The following NUP160 variants were observed in gnomAD, a reference collection of about 807,000 sequenced individuals.
NUP160 encodes the protein nuclear pore complex protein Nup160.
A neutral mutation model predicts 196.9 loss-of-function variants in NUP160; 94 were observed. The observed-to-expected ratio is 0.48, with a 90% CI of 0.40 to 0.57. The LOEUF (loss-of-function observed/expected upper bound fraction) is 0.57, where lower values mean the gene tolerates loss of function less well. Among genes scored for constraint, NUP160 ranks in the 20% least tolerant of loss-of-function variants. The probability of loss-of-function intolerance (pLI) is 0.00; values close to 1 mark genes in which losing one functional copy is unlikely to be tolerated. For synonymous variants in NUP160, 605 were observed against 619.7 expected (o/e 0.98, Z 0.35); for missense variants, 1,638 against 1,748.3 (o/e 0.94, Z 1.13).
chr11:47,814,936 T>C (rs932501014), intron 13 of NUP160, among the ~76,000 whole-genome samples: 1 of 152,056 alleles, frequency 6.6e-6, no homozygotes, highest in South Asian at 2.1e-4. Context: ...TACTTCAATA[T>C]AAAAAGTAAA....
chr11:47,813,266 A>AG, intron 14 of NUP160, 50 bp downstream of exon 14: 1 of 1,331,824 alleles, frequency 7.5e-7, no homozygotes, highest in Non-Finnish European at 1.1e-6. Flanking sequence ...AACGAAGCAT[A>AG]GGGTTTATAT....
intron 7 of NUP160, among the ~76,000 whole-genome samples, chr11:47,829,237 T>G (rs1329886382): frequency 6.6e-6 from 1 of 152,216 alleles, no homozygotes; most frequent in Non-Finnish European, 1.5e-5. Flanking sequence ...AGTTACATAC[T>G]ATATAATGAT....
exon 30 of NUP160, chr11:47,788,605 C>T (rs1393273689): frequency 1.2e-6 from 2 of 1,610,778 alleles, no homozygotes; most frequent in Non-Finnish European, 1.7e-6. Flanking sequence ...TTCAATTTGT[C>T]GATTTGCTAT....
chr11:47,831,270 T>C (rs543747421), intron 7 of NUP160, among the ~76,000 whole-genome samples: 2 of 152,302 alleles, frequency 1.3e-5, no homozygotes, highest in Admixed American at 6.5e-5. Flanking sequence ...CTTGGCATCA[T>C]TAGTTATCAG....
intron 27 of NUP160, 67 bp from the exon 28 acceptor site, chr11:47,793,013 G>GCAAGAC: frequency 1.4e-6 from 2 of 1,394,738 alleles, no homozygotes; most frequent in Non-Finnish European, 2.0e-6. Context: ...TGGAGACAGA[G>GCAAGAC]TCTTGCTCTG....
At chr11:47,817,770 T>C (rs1419853658) in intron 11 of NUP160, among the ~76,000 whole-genome samples, 1 of 152,186 alleles carries the variant, frequency 6.6e-6, no homozygotes, top group Non-Finnish European at 1.5e-5. Context: ...TTCTATACAG[T>C]GCAGTATGGT....
intron 6 of NUP160, 61 bp from the exon 7 acceptor site, chr11:47,835,870 C>A: frequency 7.7e-7 from 1 of 1,305,500 alleles, no homozygotes; most frequent in East Asian, 2.5e-5. Flanking sequence ...AAGAACATAC[C>A]TTTTGAAAGG....
At chr11:47,806,247 G>A (rs181663270) in exon 20 of NUP160, 3 of 1,613,402 alleles carry the variant, frequency 1.9e-6, no homozygotes, top group African/African-American at 2.7e-5. Flanking sequence ...GAGAAGAGGT[G>A]AGATATAATG....
intron 2 of NUP160, chr11:47,841,571 C>T: frequency 2.3e-6 from 1 of 428,706 alleles, no homozygotes; most frequent in South Asian, 2.2e-5. Flanking sequence ...TGGGATGGAT[C>T]TACGAGTTTG....
At chr11:47,803,659 A>C (rs2097675724) in intron 21 of NUP160, 123 bp from the exon 22 acceptor site, 2 of 643,990 alleles carry the variant, frequency 3.1e-6, no homozygotes, top group African/African-American at 3.6e-5. Flanking sequence ...TTATTTCCTG[A>C]CATAATTCTG....
At chr11:47,819,523 G>C (rs1851814767) in intron 9 of NUP160, 65 bp from the exon 10 acceptor site, 1 of 1,135,272 alleles carries the variant, frequency 8.8e-7, no homozygotes, top group Admixed American at 1.7e-5. Context: ...GTATGCTGTT[G>C]GCAGTATCTG....
intron 21 of NUP160, 31 bp from the exon 22 acceptor site, chr11:47,803,567 GA>G: frequency 1.7e-6 from 2 of 1,176,660 alleles, no homozygotes; most frequent in Non-Finnish European, 2.6e-6. Flanking sequence ...TTTCTGATTA[GA>G]AAATAAATGT....
intron 29 of NUP160, among the ~76,000 whole-genome samples, 194 bp downstream of exon 29, chr11:47,791,736 G>A (rs996733017): frequency 3.3e-5 from 5 of 152,114 alleles, no homozygotes; most frequent in African/African-American, 1.2e-4. Flanking sequence ...TATACTTATT[G>A]AAAACAAAAA....
chr11:47,805,523 C>A (rs1428129179), intron 20 of NUP160, among the ~76,000 whole-genome samples: 1 of 151,280 alleles, frequency 6.6e-6, no homozygotes, highest in Non-Finnish European at 1.5e-5. Context: ...CGGCTCACTG[C>A]AAGCTCCGCC....
At chr11:47,836,203 G>A (rs1371010707) in intron 6 of NUP160, among the ~76,000 whole-genome samples, 2 of 152,122 alleles carry the variant, frequency 1.3e-5, no homozygotes, top group African/African-American at 4.8e-5. Flanking sequence ...AGGTGAGACT[G>A]CGCCATTGCA....
Position 47,840,081 on chromosome 11 carries a change from A to G in NUP160, c.526-16T>C. ...CTACCAACTCCTGTTGAGTAATTAA[A>G]AAGAAAAATCTATTAAATCAAAATA... On this transcript the variant is annotated splice_polypyrimidine_tract_variant and intron_variant, in intron 3 of 35. Coordinates refer to ENST00000378460, the Ensembl canonical transcript of NUP160. The G allele has an allele frequency of 6.3e-7, 1 of 1,579,300 alleles. No individual in the cohort carries two copies. Among genetic ancestry groups the G allele is most frequent in the Non-Finnish European group, 8.7e-7 (1 of 1,149,700 alleles).
intron 7 of NUP160, among the ~76,000 whole-genome samples, chr11:47,833,742 T>A (rs1370636151): frequency 1.3e-5 from 2 of 151,786 alleles, no homozygotes; most frequent in Non-Finnish European, 2.9e-5. Flanking sequence ...AGTGGGCAGA[T>A]CACAAGGTCA....
At position 47,830,890 on chromosome 11, in the gene NUP160, G is replaced by A. The variant is rs368503799; in HGVS notation, c.1101+4761C>T. On this transcript the variant is annotated intron_variant, in intron 7 of 35. Transcript: ENST00000378460. ...TTAAAAAAAAAAAGAGCAGCCGAGCGTGGTGGCTCATGCCTGTAATCCCAG... is the reference window on the plus strand; with the variant it reads ...TTAAAAAAAAAAAGAGCAGCCGAGCATGGTGGCTCATGCCTGTAATCCCAG... 3.9e-5 allele frequency among the ~76,000 whole-genome samples: 6 copies of A among 152,124 alleles called. No homozygotes were observed. The East Asian group carries it at 5.8e-4, about 15-fold the overall frequency.
intron 21 of NUP160, chr11:47,804,333 C>A: frequency 4.2e-6 from 2 of 478,004 alleles, no homozygotes; most frequent in Non-Finnish European, 7.3e-6. Flanking sequence ...AAGTACTAAC[C>A]ATGCCCAACC....
Sources: gnomAD v4.1 joint callset for allele counts (sites outside exome capture counted in the v4.1 genomes callset) on GRCh38, gnomAD v4.1.1 for gene constraint, MANE v1.5 for transcripts, NCBI Gene and HGNC (gene_info 2026-07-23, HGNC 2026-07-21) for gene names.